Variants in ANKRD10 observed in about 807,000 individuals in gnomAD.
ANKRD10 encodes the protein ankyrin repeat domain-containing protein 10.
A neutral mutation model predicts 27.0 loss-of-function variants in ANKRD10; 14 were observed. The ratio of observed to expected loss-of-function variants is 0.52; its 90% CI spans 0.34 to 0.81. The LOEUF is 0.81. Among genes scored for constraint, ANKRD10 ranks in the 40% least tolerant of loss-of-function variants. ANKRD10 has a pLI of 0.01. For missense variants in ANKRD10, 493 were observed against 544.0 expected (o/e 0.91, Z 0.93); for synonymous variants, 250 against 224.5 (o/e 1.11, Z -1.01).
intron 4 of ANKRD10, 69 bp downstream of exon 4, chr13:110,892,959 C>A: frequency 6.3e-7 from 1 of 1,578,704 alleles, no homozygotes; most frequent in Non-Finnish European, 8.6e-7. Context: ...GTGCGCTCAG[C>A]CATAAAAAGA....
chr13:110,912,141 C>G (rs1019182709), intron 1 of ANKRD10, among the ~76,000 whole-genome samples: 2 of 152,214 alleles, frequency 1.3e-5, no homozygotes, highest in African/African-American at 2.4e-5. Context: ...GTTCAACCCA[C>G]GTTCTCTGAT....
chr13:110,899,515 A>G (rs1417716197), intron 3 of ANKRD10, among the ~76,000 whole-genome samples: 2 of 152,246 alleles, frequency 1.3e-5, no homozygotes, highest in African/African-American at 4.8e-5. Context: ...TTTAAAACTC[A>G]GACAACGGTC....
rs748737611 is a variant in ANKRD10, at chr13:110,893,119, A to G, written c.600T>C (p.Asn200=). The change falls in exon 4 of 6, where the codon AAT becomes AAC. Residue 200 remains asparagine, a synonymous_variant. Transcript: ENST00000267339. ...NNGILNGGHQ[N]VFPNHISVGT... Reference sequence around the variant, plus strand: ...CCACACTAATATGATTAGGAAATACATTCTGATGACCCCCATTTAAGATGC... The same window carrying G: ...CCACACTAATATGATTAGGAAATACGTTCTGATGACCCCCATTTAAGATGC... 1 of 1,614,114 alleles carries G rather than the reference A, an allele frequency of 6.2e-7. No individual in the cohort carries two copies. The highest frequency in any genetic ancestry group is 1.3e-5 in the African/African-American group (1 of 74,938).
intron 4 of ANKRD10, among the ~76,000 whole-genome samples, chr13:110,887,184 C>G (rs1438273737): frequency 6.6e-6 from 1 of 152,180 alleles, no homozygotes; most frequent in Non-Finnish European, 1.5e-5. Flanking sequence ...GGCAACTAAA[C>G]GGTCTGCATT....
chr13:110,884,694 C>T (rs2064883348), intron 4 of ANKRD10, among the ~76,000 whole-genome samples: 4 of 152,200 alleles, frequency 2.6e-5, no homozygotes. Flanking sequence ...TTCCCTTTTC[C>T]TTCCTATCAT....
chr13:110,913,825 G>C (rs2065793407), intron 1 of ANKRD10, among the ~76,000 whole-genome samples: 1 of 152,192 alleles, frequency 6.6e-6, no homozygotes, highest in Admixed American at 6.5e-5. Flanking sequence ...AGTCACTTCT[G>C]AAATGCACGG....
chr13:110,881,527 G>T (rs3803226), intron 5 of ANKRD10, among the ~76,000 whole-genome samples: 1 of 20,996 alleles, frequency 4.8e-5, no homozygotes, highest in South Asian at 6.2e-4. Context: ...CAGGACAATA[G>T]ATTTTTTTTC....
At chr13:110,892,876 A>C in intron 4 of ANKRD10, 152 bp downstream of exon 4, 1 of 1,438,120 alleles carries the variant, frequency 7.0e-7, no homozygotes, top group Non-Finnish European at 9.1e-7. Context: ...GTGGCAGTAC[A>C]GGAGAAATCT....
chr13:110,892,558 G>T, intron 4 of ANKRD10: 1 of 215,962 alleles, frequency 4.6e-6, no homozygotes, highest in Non-Finnish European at 8.0e-6. Context: ...AGACCACTGA[G>T]GTCAAATCAT....
In ANKRD10 at chr13:110,893,121, T is replaced by C. The variant is rs770339575; in HGVS notation, c.598A>G (p.Asn200Asp). The stretch of plus-strand genomic sequence containing the variant: ...ACACTAATATGATTAGGAAATACAT[T>C]CTGATGACCCCCATTTAAGATGCCA... ...NNGILNGGHQ[N>D]VFPNHISVGT... The change falls in exon 4 of 6, where the codon AAT becomes GAT. Residue 200 changes from asparagine (N) to aspartate (D), a missense_variant. Coordinates refer to ENST00000267339, the MANE Select transcript of ANKRD10 (RefSeq NM_017664.4). 6.2e-7 allele frequency: 1 copy of C among 1,614,232 alleles called. No homozygotes were observed. The highest frequency in any genetic ancestry group is 8.5e-7 in the Non-Finnish European group (1 of 1,180,034).
At position 110,890,558 on chromosome 13, in the gene ANKRD10, T is replaced by C. The variant is rs192854487; in HGVS notation, c.691+2470A>G. ...AGGAAATTAGTAAAGTCATGGTCAGTATACAAATTAGGAAAACCAAGGATG... is the reference window on the plus strand; with the variant it reads ...AGGAAATTAGTAAAGTCATGGTCAGCATACAAATTAGGAAAACCAAGGATG... On this transcript the variant is annotated intron_variant, in intron 4 of 5. Coordinates refer to ENST00000267339, the MANE Select transcript of ANKRD10 (RefSeq NM_017664.4). Among the ~76,000 whole-genome samples the C allele has an allele frequency of 6.1e-4, 93 of 152,302 alleles. 1 individual carries two copies. The East Asian group carries it at 0.014, about 23-fold the overall frequency.
At chr13:110,896,974 A>C (rs748022762) in intron 3 of ANKRD10, among the ~76,000 whole-genome samples, 1 of 105,112 alleles carries the variant, frequency 9.5e-6, no homozygotes, top group Non-Finnish European at 1.9e-5. Flanking sequence ...ATTCCAATAC[A>C]ATGTATAGGG....
At chr13:110,887,296 C>A (rs191238752) in intron 4 of ANKRD10, among the ~76,000 whole-genome samples, 158 of 152,236 alleles carry the variant, frequency 1.0e-3, no homozygotes, top group Middle Eastern at 6.8e-3. Flanking sequence ...AGCTTGAAAC[C>A]ATGAAAAAAG....
chr13:110,909,006 T>C lies in ANKRD10; in HGVS notation c.363+1612A>G, dbSNP rs1341271880. Among the ~76,000 whole-genome samples the C allele has an allele frequency of 2.0e-5, 3 of 152,042 alleles. No individual in the cohort carries two copies. In the East Asian group the frequency reaches 5.8e-4, roughly 29 times the overall value. On this transcript the variant is annotated intron_variant, in intron 2 of 5. Transcript: ENST00000267339. ...CGGTAGAAGTTTCCAGGAGGTGTTA[T>C]CTAGAGGCATCTGAGAGGAAGGTGG...
chr13:110,893,752 G>A (rs1289806703), intron 3 of ANKRD10, among the ~76,000 whole-genome samples: 1 of 152,242 alleles, frequency 6.6e-6, no homozygotes, highest in Non-Finnish European at 1.5e-5. Flanking sequence ...ACTGTAAGTG[G>A]AAGTTTAGAA....
At position 110,879,497 on chromosome 13, in the gene ANKRD10, G is replaced by A; in HGVS notation, c.*140C>T. ...ACAAACAAGCAGTTGCTGGGAACTT[G>A]TCGAAGTTTACTTTTTCAGAAAGTT... On this transcript the variant is annotated 3_prime_UTR_variant, in exon 6 of 6. Transcript: ENST00000267339. 2 of 676,988 alleles carry A rather than the reference G, an allele frequency of 3.0e-6. No homozygotes were observed. Among genetic ancestry groups the A allele is most frequent in the South Asian group, 1.9e-5 (1 of 53,112 alleles). The allele number at this position is 676,988 out of a possible 1,614,324, so 41.9% of individuals were successfully genotyped here.
intron 1 of ANKRD10, among the ~76,000 whole-genome samples, chr13:110,914,144 G>A (rs576688602): frequency 4.6e-5 from 7 of 152,304 alleles, no homozygotes; most frequent in African/African-American, 1.7e-4. Context: ...AGCTGCCGGG[G>A]CCTTCCAGTC....
At chr13:110,892,269 T>G (rs573390217) in intron 4 of ANKRD10, among the ~76,000 whole-genome samples, 1 of 150,236 alleles carries the variant, frequency 6.7e-6, no homozygotes, top group Non-Finnish European at 1.5e-5. Flanking sequence ...CCTTCTCTAC[T>G]AAAAATACAA....
At chr13:110,906,321 T>C (rs567809844) in intron 2 of ANKRD10, among the ~76,000 whole-genome samples, 197 bp from the exon 3 acceptor site, 3 of 152,098 alleles carry the variant, frequency 2.0e-5, no homozygotes, top group Admixed American at 6.5e-5. Flanking sequence ...GCCAAGATAT[T>C]TGGTCGTTGA....
Sources: gnomAD v4.1 joint callset for allele counts (sites outside exome capture counted in the v4.1 genomes callset) on GRCh38, gnomAD v4.1.1 for gene constraint, MANE v1.5 for transcripts, NCBI Gene and HGNC (gene_info 2026-07-23, HGNC 2026-07-21) for gene names.